CALD1: variants seen among roughly 807,000 people sequenced by gnomAD.
The protein encoded by CALD1 is caldesmon.
CALD1 carries 33 observed loss-of-function variants against 99.9 expected under a neutral mutation model. The observed-to-expected ratio is 0.33, with a 90% CI of 0.25 to 0.44. CALD1 has a LOEUF of 0.44. Among genes scored for constraint, CALD1 ranks in the 20% least tolerant of loss-of-function variants. The pLI is 1.00. For synonymous variants in CALD1, 310 were observed against 325.0 expected, an observed-to-expected ratio of 0.95 and a Z score of 0.50; for missense variants, 861 against 962.1, an observed-to-expected ratio of 0.89 and a Z score of 1.39.
At position 134,963,860 on chromosome 7, in the gene CALD1, C is replaced by T. The variant is rs919847334; in HGVS notation, c.2296-1446C>T. ...ACTTCTGAATTACCCACTTGCCCCT[C>T]GGGAGACACATAATGATTTTAGGGT... On this transcript the variant is annotated intron_variant, in intron 13 of 14. Transcript: ENST00000361675. 4.6e-5 allele frequency among the ~76,000 whole-genome samples: 7 copies of T among 152,286 alleles called. No individual in the cohort carries two copies. The South Asian group carries it at 1.0e-3, about 23-fold the overall frequency.
upstream of CALD1, among the ~76,000 whole-genome samples, chr7:134,741,969 A>G (rs1796595735): frequency 6.6e-6 from 1 of 151,938 alleles, no homozygotes; most frequent in Admixed American, 6.6e-5. Context: ...AGTTAAGGAT[A>G]TAGAAGTCCT....
chr7:134,780,944 C>A lies in CALD1; in HGVS notation c.-130+1195C>A, dbSNP rs563527850. 2.0e-5 allele frequency among the ~76,000 whole-genome samples: 3 copies of A among 152,310 alleles called. No homozygotes were observed. In the South Asian group the frequency reaches 6.2e-4, roughly 32 times the overall value. On this transcript the variant is annotated intron_variant, in intron 1 of 14. Transcript: ENST00000361675. ...TACCAGCTGCAAATGACTGATTCAA[C>A]TGGATTTTATTCCATGCAATGCGGT...
At chr7:134,848,464 A>G (rs573108976) in intron 2 of CALD1, among the ~76,000 whole-genome samples, 1 of 152,302 alleles carries the variant, frequency 6.6e-6, no homozygotes, top group Admixed American at 6.5e-5. Flanking sequence ...GGCTGAAAAC[A>G]CTTTGCTAAA....
chr7:134,779,850 G>C, intron 1 of CALD1, 101 bp downstream of exon 1: 1 of 395,482 alleles, frequency 2.5e-6, no homozygotes, highest in Non-Finnish European at 4.5e-6. Context: ...GGAGATGCAA[G>C]AATGTTCAAG....
chr7:134,841,400 A>G (rs1799643271), intron 1 of CALD1, among the ~76,000 whole-genome samples: 1 of 152,186 alleles, frequency 6.6e-6, no homozygotes, highest in South Asian at 2.1e-4. Flanking sequence ...TTTTATTTTA[A>G]TTTCCATCCC....
At chr7:134,951,876 T>C (rs1002799645) in intron 9 of CALD1, among the ~76,000 whole-genome samples, 7 of 152,230 alleles carry the variant, frequency 4.6e-5, no homozygotes, top group Non-Finnish European at 8.8e-5. Context: ...ATATTGAAGA[T>C]ACTTAATAAA....
chr7:134,760,301 G>A (rs747609619), intron 1 of CALD1, among the ~76,000 whole-genome samples: 24 of 152,260 alleles, frequency 1.6e-4, no homozygotes, highest in Non-Finnish European at 3.2e-4. Flanking sequence ...AATGGATTGA[G>A]GGTGGGGTTT....
intron 7 of CALD1, among the ~76,000 whole-genome samples, chr7:134,943,892 A>AT (rs1346408653): frequency 6.6e-6 from 1 of 152,250 alleles, no homozygotes; most frequent in Non-Finnish European, 1.5e-5. Flanking sequence ...TAAGCCTATA[A>AT]TTAATGATAT....
chr7:134,864,990 A>G (rs1800738299), intron 2 of CALD1, among the ~76,000 whole-genome samples: 2 of 151,962 alleles, frequency 1.3e-5, no homozygotes, highest in South Asian at 4.2e-4. Flanking sequence ...GCTCTTTCAC[A>G]CTACTCTATT....
At chr7:134,944,210 ATAAAAGTT>A (rs982992158) in intron 7 of CALD1, among the ~76,000 whole-genome samples, 4 of 152,202 alleles carry the variant, frequency 2.6e-5, no homozygotes, top group African/African-American at 9.7e-5. Context: ...TGAGTTCAAA[ATAAAAGTT>A]TACCTGTAAC....
chr7:134,866,161 C>A (rs2132311213), intron 2 of CALD1, among the ~76,000 whole-genome samples: 1 of 152,212 alleles, frequency 6.6e-6, no homozygotes, highest in South Asian at 2.1e-4. Context: ...GGAGAAGGGC[C>A]CTGGGATGCC....
At chr7:134,809,424 T>C (rs1798272250) in intron 1 of CALD1, among the ~76,000 whole-genome samples, 1 of 152,114 alleles carries the variant, frequency 6.6e-6, no homozygotes. Flanking sequence ...TCCTCATCCA[T>C]TAAAAGATAG....
intron 1 of CALD1, among the ~76,000 whole-genome samples, chr7:134,803,870 A>G (rs1020423579): frequency 8.6e-5 from 13 of 151,944 alleles, no homozygotes; most frequent in East Asian, 7.8e-4. Context: ...TAATTTTTGT[A>G]TTTTTAGTAG....
intron 3 of CALD1, chr7:134,920,498 C>T: frequency 9.0e-7 from 1 of 1,117,262 alleles, no homozygotes; most frequent in Non-Finnish European, 1.1e-6. Flanking sequence ...GGCTGTGAGC[C>T]CCAGGCATTC....
intron 3 of CALD1, among the ~76,000 whole-genome samples, chr7:134,870,080 T>G (rs1436840917): frequency 1.3e-5 from 2 of 152,234 alleles, no homozygotes; most frequent in East Asian, 3.8e-4. Context: ...AACAACTATT[T>G]ATTAAGCACT....
At chr7:134,884,067 A>C (rs974729045) in intron 3 of CALD1, among the ~76,000 whole-genome samples, 3 of 151,344 alleles carry the variant, frequency 2.0e-5, no homozygotes, top group Non-Finnish European at 4.4e-5. Context: ...ACACCATTGC[A>C]CTCCAGCCTG....
chr7:134,922,202 G>A (rs1804667504), intron 3 of CALD1, among the ~76,000 whole-genome samples: 1 of 152,102 alleles, frequency 6.6e-6, no homozygotes, highest in Admixed American at 6.5e-5. Context: ...GTAAATATTT[G>A]TACTCTCTAT....
intron 2 of CALD1, 87 bp from the exon 3 acceptor site, chr7:134,867,606 G>C: frequency 2.0e-6 from 1 of 508,628 alleles, no homozygotes; most frequent in Admixed American, 3.8e-5. Context: ...TCAGGAGAAT[G>C]ACAAATGGGA....
chr7:134,732,838 T>G, the CALD1 span, among the ~76,000 whole-genome samples: 2 of 152,264 alleles, frequency 1.3e-5, no homozygotes, highest in African/African-American at 2.4e-5. Context: ...CAAGTGTACT[T>G]AATCACTAAC....
Sources: gnomAD v4.1 joint callset for allele counts (sites outside exome capture counted in the v4.1 genomes callset) on GRCh38, gnomAD v4.1.1 for gene constraint, MANE v1.5 for transcripts, NCBI Gene and HGNC (gene_info 2026-07-23, HGNC 2026-07-21) for gene names.